Variants in TENM2 observed in about 807,000 individuals in gnomAD.
TENM2 encodes teneurin-2.
TENM2 carries 52 observed loss-of-function variants against 245.2 expected under a neutral mutation model. That is an observed-to-expected ratio of 0.21 (90% CI 0.17 to 0.27). The LOEUF (loss-of-function observed/expected upper bound fraction) is 0.27, where lower values mean the gene tolerates loss of function less well. TENM2 is among the 10% of genes least tolerant of loss of function. The pLI, the probability that TENM2 is intolerant of heterozygous loss-of-function variation, is 1.00. For synonymous variants in TENM2, 1,363 were observed against 1,438.9 expected, an observed-to-expected ratio of 0.95 and a Z score of 1.19; for missense variants, 3,046 against 3,666.8, an observed-to-expected ratio of 0.83 and a Z score of 4.37.
At chr5:167,530,520 C>T (rs1337543681) in intron 2 of TENM2, among the ~76,000 whole-genome samples, 1 of 152,144 alleles carries the variant, frequency 6.6e-6, no homozygotes, top group Non-Finnish European at 1.5e-5. Context: ...AGTGGATTTT[C>T]TCACAAAATG....
At chr5:167,419,666 C>T (rs777688021) in intron 2 of TENM2, among the ~76,000 whole-genome samples, 2 of 152,118 alleles carry the variant, frequency 1.3e-5, no homozygotes, top group Non-Finnish European at 2.9e-5. Context: ...AAAAGTGCAT[C>T]CATTCTAGAG....
the TENM2 span, among the ~76,000 whole-genome samples, chr5:167,095,475 A>T: frequency 6.6e-6 from 1 of 152,130 alleles, no homozygotes; most frequent in South Asian, 2.1e-4. Flanking sequence ...GCGGCAGGAA[A>T]ATCCTGTAAG....
intron 9 of TENM2, among the ~76,000 whole-genome samples, chr5:168,117,618 G>A (rs1343530115): frequency 6.6e-6 from 1 of 152,202 alleles, no homozygotes; most frequent in East Asian, 1.9e-4. Flanking sequence ...TCAGACAGCA[G>A]TTGACCATGG....
chr5:167,858,668 G>A (rs1197384070), intron 2 of TENM2, among the ~76,000 whole-genome samples: 1 of 151,476 alleles, frequency 6.6e-6, no homozygotes, highest in East Asian at 1.9e-4. Flanking sequence ...GGACAGTCGC[G>A]GCGCTGACGC....
At chr5:167,484,493 C>T (rs983378396) in intron 2 of TENM2, among the ~76,000 whole-genome samples, 1 of 152,076 alleles carries the variant, frequency 6.6e-6, no homozygotes, top group African/African-American at 2.4e-5. Flanking sequence ...CCCTTCCCTC[C>T]CAGCGCTCAG....
chr5:167,601,347 T>G (rs193287666), intron 2 of TENM2, among the ~76,000 whole-genome samples: 22 of 152,378 alleles, frequency 1.4e-4, no homozygotes, highest in Middle Eastern at 3.4e-3. Flanking sequence ...GACTTGAATT[T>G]ATAATTTTCT....
chr5:167,183,028 G>A, the TENM2 span, among the ~76,000 whole-genome samples: 1 of 152,036 alleles, frequency 6.6e-6, no homozygotes, highest in Non-Finnish European at 1.5e-5. Context: ...ATGTTCTCCT[G>A]CCTCTTTCCT....
chr5:167,448,659 T>G (rs2127471117), intron 2 of TENM2, among the ~76,000 whole-genome samples: 1 of 151,658 alleles, frequency 6.6e-6, no homozygotes, highest in Admixed American at 6.6e-5. Context: ...CAATACATAC[T>G]ATGTTAGAAT....
intron 2 of TENM2, among the ~76,000 whole-genome samples, chr5:167,782,987 A>T (rs1489215689): frequency 6.6e-6 from 1 of 152,162 alleles, no homozygotes; most frequent in Admixed American, 6.5e-5. Flanking sequence ...TCTAATAATC[A>T]GGTGCATGCC....
At chr5:167,327,222 G>C (rs1757142844) in intron 1 of TENM2, among the ~76,000 whole-genome samples, 1 of 152,000 alleles carries the variant, frequency 6.6e-6, no homozygotes, top group African/African-American at 2.4e-5. Flanking sequence ...TCCCCTTCCT[G>C]TGTCCATGTG....
intron 2 of TENM2, among the ~76,000 whole-genome samples, chr5:167,430,706 G>T (rs971347802): frequency 6.6e-6 from 1 of 152,058 alleles, no homozygotes; most frequent in East Asian, 1.9e-4. Context: ...GGGCTTTAGG[G>T]GTTTTGAAAA....
exon 13 of TENM2, chr5:168,162,718 A>G (rs779067437): frequency 1.2e-6 from 2 of 1,614,014 alleles, no homozygotes; most frequent in East Asian, 2.2e-5. Context: ...CAACGTTGCC[A>G]TGGAAACTTC....
At chr5:166,989,514 G>T in the TENM2 span, among the ~76,000 whole-genome samples, 2 of 151,852 alleles carry the variant, frequency 1.3e-5, no homozygotes, top group South Asian at 4.2e-4. Flanking sequence ...CCAAAGTGCT[G>T]CAATTACAGG....
chr5:167,011,163 G>A, the TENM2 span, among the ~76,000 whole-genome samples: 1 of 152,068 alleles, frequency 6.6e-6, no homozygotes, highest in Non-Finnish European at 1.5e-5. Context: ...CCACCTAATG[G>A]GTTAAATTAC....
At chr5:167,273,463 C>A in the TENM2 span, among the ~76,000 whole-genome samples, 1 of 152,096 alleles carries the variant, frequency 6.6e-6, no homozygotes, top group South Asian at 2.1e-4. Flanking sequence ...GAATTGTTGA[C>A]CTTAACTTTC....
Position 167,909,070 on chromosome 5 carries a change from T to TC in TENM2, c.712+32875_712+32876insC, listed in dbSNP as rs1561922822. Among the ~76,000 whole-genome samples the TC allele has an allele frequency of 5.5e-5, 5 of 90,324 alleles. No homozygotes were observed. The East Asian group carries it at 3.0e-3, about 54-fold the overall frequency. 59.3% of individuals were successfully genotyped at this position (90,324 alleles called of 152,430 possible). ...TATTTTCGTTTTCTTTTCTCTCTCT[T>TC]TTTTTTTTTTTTTTAGTAAAAATTG... On this transcript the variant is annotated intron_variant, in intron 3 of 28. Coordinates refer to ENST00000518659, the Ensembl canonical transcript of TENM2.
intron 3 of TENM2, among the ~76,000 whole-genome samples, chr5:167,898,156 G>A (rs1405949010): frequency 3.9e-5 from 6 of 152,110 alleles, no homozygotes; most frequent in South Asian, 4.1e-4. Context: ...TTTGGATGTT[G>A]CCAATAGAGA....
chr5:167,183,665 AT>A, the TENM2 span, among the ~76,000 whole-genome samples: 3 of 152,078 alleles, frequency 2.0e-5, no homozygotes, highest in Non-Finnish European at 4.4e-5. Flanking sequence ...TATTTTAAAG[AT>A]TTTTGCCAGC....
At chr5:167,449,403 C>A (rs1765425821) in intron 2 of TENM2, among the ~76,000 whole-genome samples, 1 of 151,910 alleles carries the variant, frequency 6.6e-6, no homozygotes, top group South Asian at 2.1e-4. Flanking sequence ...GCGGTGGCTC[C>A]AGCCCCCTGC....
Sources: gnomAD v4.1 joint callset for allele counts (sites outside exome capture counted in the v4.1 genomes callset) on GRCh38, gnomAD v4.1.1 for gene constraint, MANE v1.5 for transcripts, NCBI Gene and HGNC (gene_info 2026-07-23, HGNC 2026-07-21) for gene names.